Variants in DNAH6 observed in about 807,000 individuals in gnomAD.
DNAH6 encodes dynein axonemal heavy chain 6, also known as axonemal beta dynein heavy chain 6.
In DNAH6, 340 loss-of-function variants were observed where a neutral mutation model predicts 491.4. The ratio of observed to expected loss-of-function variants is 0.69; its 90% CI spans 0.63 to 0.76. The LOEUF is 0.76. Among genes scored for constraint, DNAH6 ranks in the 30% least tolerant of loss-of-function variants. DNAH6 has a pLI of 0.00. For synonymous variants in DNAH6, 1,603 were observed against 1,686.1 expected (o/e 0.95, Z 1.21); for missense variants, 4,443 against 4,972.2 (o/e 0.89, Z 3.20).
chr2:84,741,136 T>C (rs1008883341), intron 62 of DNAH6, among the ~76,000 whole-genome samples: 5 of 151,970 alleles, frequency 3.3e-5, no homozygotes, highest in African/African-American at 1.2e-4. Flanking sequence ...TAGCAAGGCA[T>C]TGGACATTGT....
intron 11 of DNAH6, among the ~76,000 whole-genome samples, chr2:84,570,867 A>T (rs1681757552): frequency 6.6e-6 from 1 of 152,156 alleles, no homozygotes; most frequent in Non-Finnish European, 1.5e-5. Flanking sequence ...TACCTTTAAG[A>T]GCTGTAACAC....
chr2:84,708,187 C>T (rs929611504), intron 54 of DNAH6, among the ~76,000 whole-genome samples: 1 of 151,962 alleles, frequency 6.6e-6, no homozygotes. Flanking sequence ...CCTATAATCC[C>T]AGCACTTTGG....
Position 84,643,267 on chromosome 2 carries a change from G to GT in DNAH6, c.5078+1223dup, listed in dbSNP as rs35760974. ...TTTGCTCATCTATAGGTAAAGTGGG[G>GT]TTTTTTTTTTCCTTCTGGCTTATTT... On this transcript the variant is annotated intron_variant, in intron 33 of 76. Transcript: ENST00000389394. 4.7e-4 allele frequency among the ~76,000 whole-genome samples: 69 copies of GT among 147,692 alleles called. 1 individual carries two copies. Among genetic ancestry groups the GT allele is most frequent in the South Asian group, 2.2e-3 (10 of 4,632 alleles).
intron 62 of DNAH6, among the ~76,000 whole-genome samples, chr2:84,738,483 T>C (rs574692593): frequency 2.0e-5 from 3 of 152,286 alleles, no homozygotes; most frequent in African/African-American, 2.4e-5. Flanking sequence ...CCAAAGTCTT[T>C]CATTAAGCCT....
At chr2:84,787,386 T>C in intron 68 of DNAH6, 84 bp downstream of exon 68, 2 of 1,066,712 alleles carry the variant, frequency 1.9e-6, no homozygotes, top group Non-Finnish European at 2.7e-6. Context: ...ACAAAGATGG[T>C]GTCCTCCCCC....
intron 31 of DNAH6, among the ~76,000 whole-genome samples, chr2:84,637,754 A>C: frequency 6.6e-6 from 1 of 152,208 alleles, no homozygotes; most frequent in East Asian, 1.9e-4. Context: ...AAGGGATGCT[A>C]AGTAGAAGCC....
rs189811508 is a variant in DNAH6 at position 84,686,153 on chromosome 2, A to T, written c.7064-331A>T. Among the ~76,000 whole-genome samples the T allele has an allele frequency of 1.5e-4, 23 of 151,200 alleles. No individual in the cohort carries two copies. The East Asian group carries it at 3.9e-3, about 26-fold the overall frequency. ...CGGTGAGCCGAGATCGCATCATTGC[A>T]CTCCAGCCCAGGTGACAGTGCAAGA... On this transcript the variant is annotated intron_variant, in intron 43 of 76. Coordinates refer to ENST00000389394, the MANE Select transcript of DNAH6 (RefSeq NM_001370.2).
chr2:84,709,898 A>G (rs1696869439), intron 55 of DNAH6, among the ~76,000 whole-genome samples: 1 of 152,182 alleles, frequency 6.6e-6, no homozygotes, highest in Admixed American at 6.5e-5. Flanking sequence ...TCAGGGTATG[A>G]TCAAATTTTA....
intron 63 of DNAH6, among the ~76,000 whole-genome samples, chr2:84,762,044 G>A (rs1372134127): frequency 1.3e-5 from 2 of 152,164 alleles, no homozygotes; most frequent in Non-Finnish European, 2.9e-5. Context: ...GCTCCATATG[G>A]GTTGGGGAGG....
chr2:84,584,495 A>T, intron 15 of DNAH6: 1 of 427,204 alleles, frequency 2.3e-6, no homozygotes. Context: ...GAACACATTT[A>T]ACTGATGTAG....
At chr2:84,504,053 G>C in the DNAH6 span, among the ~76,000 whole-genome samples, 1 of 151,984 alleles carries the variant, frequency 6.6e-6, no homozygotes, top group African/African-American at 2.4e-5. Context: ...GCCTTTTGGG[G>C]ACTATTTTTT....
intron 26 of DNAH6, among the ~76,000 whole-genome samples, chr2:84,623,715 C>T (rs1429278067): frequency 1.3e-5 from 2 of 152,134 alleles, no homozygotes; most frequent in East Asian, 3.8e-4. Context: ...TCCTCAGAGG[C>T]GCTGCTCTTC....
chr2:84,562,888 C>T (rs951434700), intron 11 of DNAH6, among the ~76,000 whole-genome samples: 3 of 152,140 alleles, frequency 2.0e-5, no homozygotes, highest in Non-Finnish European at 2.9e-5. Flanking sequence ...ATGGTTTCAC[C>T]GTGTTCCACC....
intron 28 of DNAH6, 98 bp from the exon 29 acceptor site, chr2:84,624,804 T>C: frequency 1.5e-6 from 2 of 1,332,956 alleles, no homozygotes; most frequent in Non-Finnish European, 2.0e-6. Flanking sequence ...GCTATATTTT[T>C]CATAGAAAAT....
chr2:84,507,621 G>A, the DNAH6 span, among the ~76,000 whole-genome samples: 1 of 152,174 alleles, frequency 6.6e-6, no homozygotes, highest in Admixed American at 6.5e-5. Context: ...GGAGTGGTGA[G>A]AGAGGGCATC....
chr2:84,579,721 TA>T (rs778775079), intron 14 of DNAH6, 42 bp downstream of exon 14: 7 of 1,488,258 alleles, frequency 4.7e-6, no homozygotes, highest in Middle Eastern at 1.8e-4. Flanking sequence ...CCAGATCTTA[TA>T]GTAGGAAGGA....
At chr2:84,746,935 G>A (rs924076946) in intron 63 of DNAH6, among the ~76,000 whole-genome samples, 4 of 152,076 alleles carry the variant, frequency 2.6e-5, no homozygotes, top group Admixed American at 1.3e-4. Flanking sequence ...TGTTTTAAAC[G>A]TCTATCTCTT....
chr2:84,793,921 C>T (rs974131615), intron 68 of DNAH6, among the ~76,000 whole-genome samples: 5 of 152,172 alleles, frequency 3.3e-5, no homozygotes, highest in African/African-American at 1.2e-4. Flanking sequence ...CCAACCATCT[C>T]AGCTATACTA....
At chr2:84,745,744 G>A (rs1672916468) in intron 63 of DNAH6, among the ~76,000 whole-genome samples, 1 of 151,864 alleles carries the variant, frequency 6.6e-6, no homozygotes, top group South Asian at 2.1e-4. Context: ...TTATGAAAGA[G>A]AGCCAGCCAG....
Sources: allele counts gnomAD v4.1 joint callset (sites outside exome capture counted in the v4.1 genomes callset), GRCh38; gene constraint gnomAD v4.1.1; transcripts MANE v1.5; gene names NCBI Gene and HGNC (gene_info 2026-07-23, HGNC 2026-07-21).